NTAQ1: variants seen among roughly 807,000 people sequenced by gnomAD.
NTAQ1 encodes the protein N-terminal glutamine amidase 1, also known as protein N-terminal glutamine amidohydrolase.
Under a neutral mutation model 28.2 loss-of-function variants are expected in NTAQ1, and 21 were observed. The ratio of observed to expected loss-of-function variants is 0.74; its 90% CI spans 0.53 to 1.07. NTAQ1 has a LOEUF of 1.07. Among genes scored for constraint, NTAQ1 ranks in the 50% least tolerant of loss-of-function variants. The pLI, the probability that NTAQ1 is intolerant of heterozygous loss-of-function variation, is 0.00. For missense variants in NTAQ1, 264 were observed against 256.6 expected, an observed-to-expected ratio of 1.03 and a Z score of -0.20; for synonymous variants, 105 against 90.0, an observed-to-expected ratio of 1.17 and a Z score of -0.94.
intron 1 of NTAQ1, among the ~76,000 whole-genome samples, chr8:123,418,306 C>T (rs1813435561): frequency 6.6e-6 from 1 of 152,042 alleles, no homozygotes; most frequent in Non-Finnish European, 1.5e-5. Context: ...CAAAAATTAG[C>T]CAGGTGTGGT....
chr8:123,468,942 T>C (rs1251473045), exon 7 of NTAQ1, among the ~76,000 whole-genome samples: 1 of 152,226 alleles, frequency 6.6e-6, no homozygotes, highest in Non-Finnish European at 1.5e-5. Context: ...TATCTCCTTG[T>C]GGTTTTCAGT....
At chr8:123,474,759 C>T (rs952211047), downstream of NTAQ1, among the ~76,000 whole-genome samples, 6 of 151,990 alleles carry the variant, frequency 3.9e-5, no homozygotes, top group Admixed American at 6.6e-5. Flanking sequence ...TGGTGGTGTG[C>T]GCCTATAATC....
chr8:123,426,314 G>A (rs1814051616), intron 1 of NTAQ1, among the ~76,000 whole-genome samples: 1 of 152,160 alleles, frequency 6.6e-6, no homozygotes, highest in East Asian at 1.9e-4. Context: ...AGATTCATCT[G>A]GGGCAAAGGT....
intron 5 of NTAQ1, among the ~76,000 whole-genome samples, chr8:123,439,767 G>T (rs1814936987): frequency 1.3e-5 from 2 of 151,982 alleles, no homozygotes; most frequent in African/African-American, 4.8e-5. Context: ...TGGGATTACA[G>T]GGGTGAGCCA....
intron 6 of NTAQ1, among the ~76,000 whole-genome samples, chr8:123,447,541 A>T (rs1377270245): frequency 1.3e-5 from 2 of 152,124 alleles, no homozygotes; most frequent in African/African-American, 4.8e-5. Flanking sequence ...TTTACAGATG[A>T]GGAAACTGAT....
chr8:123,467,789 G>T (rs1039772826), exon 7 of NTAQ1, among the ~76,000 whole-genome samples: 1 of 152,148 alleles, frequency 6.6e-6, no homozygotes, highest in East Asian at 1.9e-4. Flanking sequence ...TGCTCTTGTT[G>T]CCCAGGCTGA....
downstream of NTAQ1, among the ~76,000 whole-genome samples, chr8:123,449,879 CTCTCTCTCTCTCTA>C (rs1195972627): frequency 4.3e-5 from 6 of 140,024 alleles, no homozygotes; most frequent in African/African-American, 8.0e-5. Context: ...CTCTCTCTCT[CTCTCTCTCTCTCTA>C]TCTCTCCATA....
At chr8:123,465,793 G>T (rs928374204) in intron 6 of NTAQ1, among the ~76,000 whole-genome samples, 26 of 151,982 alleles carry the variant, frequency 1.7e-4, no homozygotes, top group Middle Eastern at 3.4e-3. Context: ...TGTTGCCCAG[G>T]CTGGTCTCGG....
At chr8:123,458,049 A>AAT (rs1815700741) in intron 6 of NTAQ1, among the ~76,000 whole-genome samples, 1 of 85,650 alleles carries the variant, frequency 1.2e-5, no homozygotes, top group Admixed American at 1.6e-4. Flanking sequence ...AAAAAAAAAA[A>AAT]AAGATTTAAA....
chr8:123,436,432 T>G lies in NTAQ1; in HGVS notation c.235-21T>G, dbSNP rs1482204750. 6 of 1,611,590 alleles carry G rather than the reference T, an allele frequency of 3.7e-6. No homozygotes were observed. The African/African-American group carries it at 6.7e-5, about 18-fold the overall frequency. ...ATCATTATGAAGTAACTTGGTTAAC[T>G]TCAGCAACTTTTACTTTTAGGATTA... On this transcript the variant is annotated intron_variant, in intron 3 of 5. Transcript: ENST00000287387.
downstream of NTAQ1, among the ~76,000 whole-genome samples, chr8:123,472,981 G>A (rs1039205169): frequency 2.6e-5 from 4 of 152,082 alleles, no homozygotes; most frequent in Admixed American, 6.5e-5. Flanking sequence ...ACCTTCATTT[G>A]AATGGAGAAA....
chr8:123,460,909 C>T (rs61455586), intron 6 of NTAQ1, among the ~76,000 whole-genome samples: 1,705 of 152,248 alleles, frequency 0.011, 39 homozygotes, highest in African/African-American at 0.04. Context: ...AGGAGGCGTG[C>T]CGTCTGACTT....
At chr8:123,446,732 C>A (rs562735649), downstream of NTAQ1, among the ~76,000 whole-genome samples, 2 of 152,328 alleles carry the variant, frequency 1.3e-5, no homozygotes, top group African/African-American at 4.8e-5. Context: ...ACATAATCTG[C>A]TCAGCCCTGA....
intron 1 of NTAQ1, among the ~76,000 whole-genome samples, chr8:123,423,491 G>A (rs1813856403): frequency 6.9e-6 from 1 of 145,718 alleles, no homozygotes; most frequent in Non-Finnish European, 1.5e-5. Context: ...GCCTAGGCTG[G>A]TTTCAAACTC....
downstream of NTAQ1, among the ~76,000 whole-genome samples, chr8:123,472,809 AAG>A (rs1816053788): frequency 6.6e-6 from 1 of 152,204 alleles, no homozygotes; most frequent in Non-Finnish European, 1.5e-5. Flanking sequence ...GTGGAAGAGA[AAG>A]AGGCAGGGAG....
At chr8:123,447,109 T>C (rs1445332307), downstream of NTAQ1, among the ~76,000 whole-genome samples, 1 of 151,070 alleles carries the variant, frequency 6.6e-6, no homozygotes, top group Non-Finnish European at 1.5e-5. Flanking sequence ...CTTTTCTGTC[T>C]AGGTGTCCTT....
intron 3 of NTAQ1, among the ~76,000 whole-genome samples, chr8:123,432,649 T>C (rs528806174): frequency 1.3e-5 from 2 of 149,006 alleles, no homozygotes; most frequent in African/African-American, 4.9e-5. Flanking sequence ...AAAAAAATCA[T>C]TCCTATAATA....
chr8:123,441,257 A>G (rs1409020942), intron 5 of NTAQ1, 49 bp from the exon 6 acceptor site: 14 of 1,506,556 alleles, frequency 9.3e-6, no homozygotes, highest in African/African-American at 2.8e-5. Context: ...TTGCTGTTAA[A>G]CCAAAATTGT....
intron 6 of NTAQ1, among the ~76,000 whole-genome samples, chr8:123,458,360 G>A (rs535739311): frequency 1.3e-5 from 2 of 151,556 alleles, no homozygotes; most frequent in South Asian, 2.1e-4. Flanking sequence ...CTGTTATACC[G>A]CTCCGAGCCT....
Sources: allele counts gnomAD v4.1 joint callset (sites outside exome capture counted in the v4.1 genomes callset), GRCh38; gene constraint gnomAD v4.1.1; transcripts MANE v1.5; gene names NCBI Gene and HGNC (gene_info 2026-07-23, HGNC 2026-07-21).